Variants in WDR70 observed in about 807,000 individuals in gnomAD.
The protein encoded by WDR70 is WD repeat domain 70.
In WDR70, 53 loss-of-function variants were observed where a neutral mutation model predicts 88.6. That is an observed-to-expected ratio of 0.60 (90% CI 0.48 to 0.75). The LOEUF is 0.75. Ranked by LOEUF, WDR70 falls within the 30% of genes least tolerant of loss-of-function variation. The pLI, the probability that WDR70 is intolerant of heterozygous loss-of-function variation, is 0.00. For missense variants in WDR70, 610 were observed against 823.2 expected (o/e 0.74, Z 3.17); for synonymous variants, 280 against 270.0 (o/e 1.04, Z -0.36).
chr5:37,625,923 A>G lies in WDR70; in HGVS notation c.1092+20685A>G, dbSNP rs545324203. ...CTATTAGATGAGTAGTTCATTACTC[A>G]TGTATAAAAAGGCTACTGATTTTTG... On this transcript the variant is annotated intron_variant, in intron 10 of 17. Coordinates refer to ENST00000265107, the MANE Select transcript of WDR70 (RefSeq NM_018034.4). Among the ~76,000 whole-genome samples the G allele has an allele frequency of 7.3e-5, 11 of 151,666 alleles. No homozygotes were observed. The South Asian group carries it at 2.1e-3, about 29-fold the overall frequency.
intron 8 of WDR70, among the ~76,000 whole-genome samples, chr5:37,494,956 A>G (rs868512367): frequency 6.6e-6 from 1 of 152,366 alleles, no homozygotes; most frequent in Middle Eastern, 3.4e-3. Context: ...TTTTGTAAAT[A>G]AAAGTTTTAT....
chr5:37,544,924 A>G (rs1221506846), intron 9 of WDR70, among the ~76,000 whole-genome samples: 1 of 152,184 alleles, frequency 6.6e-6, no homozygotes, highest in Non-Finnish European at 1.5e-5. Context: ...ATAAGGAACA[A>G]TGATTCACAT....
rs377430715 is a variant in WDR70 at position 37,433,574 on chromosome 5, T to C, written c.493-4348T>C. 7.8e-4 allele frequency among the ~76,000 whole-genome samples: 119 copies of C among 152,316 alleles called. 1 individual carries two copies. The South Asian group carries it at 0.024, about 31-fold the overall frequency. ...TAAAAATGGCATAGTGCTGTATATG[T>C]ATAACACATACACCCTTGCTCTATT... On this transcript the variant is annotated intron_variant, in intron 5 of 17. Transcript: ENST00000265107.
At chr5:37,453,484 T>C (rs1381985213) in intron 7 of WDR70, among the ~76,000 whole-genome samples, 1 of 152,232 alleles carries the variant, frequency 6.6e-6, no homozygotes, top group Non-Finnish European at 1.5e-5. Flanking sequence ...TTGTTTGTGG[T>C]TTAAGAATGC....
chr5:37,571,482 G>A (rs1467331334), intron 9 of WDR70, among the ~76,000 whole-genome samples: 1 of 152,156 alleles, frequency 6.6e-6, no homozygotes, highest in East Asian at 1.9e-4. Flanking sequence ...ACTTCTGGAG[G>A]ATTATTTTAA....
chr5:37,434,235 C>T (rs1415533486), intron 5 of WDR70, among the ~76,000 whole-genome samples: 4 of 152,188 alleles, frequency 2.6e-5, no homozygotes, highest in African/African-American at 9.7e-5. Flanking sequence ...CTCAGGAGAA[C>T]AGCATGGGGA....
chr5:37,438,557 G>A (rs1257456888), intron 6 of WDR70, among the ~76,000 whole-genome samples: 4 of 152,012 alleles, frequency 2.6e-5, no homozygotes, highest in African/African-American at 9.7e-5. Flanking sequence ...CCACTAAAAA[G>A]TAGTAGTTAA....
intron 10 of WDR70, among the ~76,000 whole-genome samples, chr5:37,644,900 G>T (rs1470305301): frequency 6.6e-6 from 1 of 151,686 alleles, no homozygotes; most frequent in Non-Finnish European, 1.5e-5. Flanking sequence ...TCTGGCTAAA[G>T]GTTGGTCAGT....
chr5:37,564,358 C>T (rs1742666133), intron 9 of WDR70, among the ~76,000 whole-genome samples: 1 of 152,200 alleles, frequency 6.6e-6, no homozygotes, highest in Non-Finnish European at 1.5e-5. Context: ...ACCCCGTCTC[C>T]ACCAAAAAAA....
intron 9 of WDR70, among the ~76,000 whole-genome samples, chr5:37,562,734 G>A (rs908972722): frequency 2.0e-5 from 3 of 152,048 alleles, no homozygotes; most frequent in Non-Finnish European, 4.4e-5. Context: ...AGTGGACACC[G>A]CACATGTTTC....
chr5:37,682,165 A>G (rs999158875), intron 10 of WDR70, among the ~76,000 whole-genome samples: 40 of 151,914 alleles, frequency 2.6e-4, no homozygotes, highest in African/African-American at 8.9e-4. Flanking sequence ...GGTAGGTTGT[A>G]TGTGTCCAGG....
chr5:37,389,637 C>G (rs1218613045), intron 3 of WDR70, among the ~76,000 whole-genome samples: 1 of 152,160 alleles, frequency 6.6e-6, no homozygotes, highest in Non-Finnish European at 1.5e-5. Context: ...TGGTCTCAAT[C>G]TCCTGACCTC....
intron 9 of WDR70, among the ~76,000 whole-genome samples, chr5:37,543,019 T>C (rs512562): frequency 0.74 from 112,054 of 152,084 alleles, 41,892 homozygotes; most frequent in African/African-American, 0.87. Flanking sequence ...CATGCTTATA[T>C]TCCCTTGGGA....
At chr5:37,642,873 C>A (rs1057230815) in intron 10 of WDR70, among the ~76,000 whole-genome samples, 1 of 151,916 alleles carries the variant, frequency 6.6e-6, no homozygotes, top group Admixed American at 6.6e-5. Flanking sequence ...GCGCTCCTTA[C>A]CTATTCTGGT....
At chr5:37,489,723 A>ACTTGGTTGGGGTGCC (rs1740006347) in intron 8 of WDR70, among the ~76,000 whole-genome samples, 2 of 151,322 alleles carry the variant, frequency 1.3e-5, no homozygotes, top group South Asian at 4.2e-4. Context: ...GTGGTAGGGC[A>ACTTGGTTGGGGTGCC]CTTGGTTGGG....
At chr5:37,693,232 C>A (rs1422323812) in intron 10 of WDR70, among the ~76,000 whole-genome samples, 1 of 152,212 alleles carries the variant, frequency 6.6e-6, no homozygotes, top group African/African-American at 2.4e-5. Context: ...AATAGAAGAA[C>A]ATTCCATGCT....
At chr5:37,570,831 C>T (rs1265873248) in intron 9 of WDR70, among the ~76,000 whole-genome samples, 4 of 152,154 alleles carry the variant, frequency 2.6e-5, no homozygotes, top group African/African-American at 7.2e-5. Context: ...TGGCTGAACA[C>T]CCAGTCTTCC....
intron 3 of WDR70, among the ~76,000 whole-genome samples, chr5:37,384,383 T>C (rs1257725339): frequency 1.3e-5 from 2 of 151,780 alleles, no homozygotes; most frequent in South Asian, 2.1e-4. Flanking sequence ...GATTTCACCA[T>C]GTTGGCCAGG....
chr5:37,625,617 C>T (rs1260296386), intron 10 of WDR70, among the ~76,000 whole-genome samples: 4 of 151,968 alleles, frequency 2.6e-5, no homozygotes, highest in East Asian at 3.9e-4. Flanking sequence ...CTCCAACTCC[C>T]GGGTTCAAGC....
Sources: gnomAD v4.1 joint callset for allele counts (sites outside exome capture counted in the v4.1 genomes callset) on GRCh38, gnomAD v4.1.1 for gene constraint, MANE v1.5 for transcripts, NCBI Gene and HGNC (gene_info 2026-07-23, HGNC 2026-07-21) for gene names.